The following UBR2 variants were observed in gnomAD, a reference collection of about 807,000 sequenced individuals.
UBR2 encodes the protein ubiquitin protein ligase E3 component n-recognin 2.
In UBR2, 92 loss-of-function variants were observed where a neutral mutation model predicts 247.9. The observed-to-expected ratio is 0.37, with a 90% confidence interval of 0.31 to 0.44. The LOEUF (loss-of-function observed/expected upper bound fraction) is 0.44. Ranked by LOEUF, UBR2 falls within the 20% of genes least tolerant of loss-of-function variation. UBR2 has a pLI of 1.00. For synonymous variants in UBR2, 672 were observed against 693.5 expected (o/e 0.97, Z 0.49); for missense variants, 1,613 against 2,112.6 (o/e 0.76, Z 4.64).
intron 13 of UBR2, among the ~76,000 whole-genome samples, chr6:42,634,833 T>C (rs1696688965): frequency 6.6e-6 from 1 of 152,264 alleles, no homozygotes; most frequent in South Asian, 2.1e-4. Flanking sequence ...TTCATGTATC[T>C]GTGAAAACAA....
chr6:42,633,223 G>A (rs1445990414), intron 13 of UBR2, among the ~76,000 whole-genome samples: 3 of 151,626 alleles, frequency 2.0e-5, no homozygotes, highest in African/African-American at 4.8e-5. Context: ...TTCTGTCTGC[G>A]CATCTTTTCA....
chr6:42,652,419 C>G, intron 24 of UBR2, 72 bp from the exon 25 acceptor site: 1 of 1,476,674 alleles, frequency 6.8e-7, no homozygotes, highest in Non-Finnish European at 9.1e-7. Context: ...TTAAAACTAT[C>G]AAAAGTAACA....
rs1028575147 is a variant in UBR2 at position 42,689,354 on chromosome 6, A to G, written c.5025-215A>G. Reference sequence around the variant, plus strand: ...TCTGTTTAATTGTGCTGTACTATTAATGCCAGAAAAAGGCAAATGTCTCAA... The same window carrying G: ...TCTGTTTAATTGTGCTGTACTATTAGTGCCAGAAAAAGGCAAATGTCTCAA... On this transcript the variant is annotated intron_variant, in intron 45 of 46. Coordinates refer to ENST00000372901, the MANE Select transcript of UBR2 (RefSeq NM_001363705.2). The surrounding 1 kb of genome is among the most constrained non-coding windows in gnomAD (Gnocchi z 4.0). Among the ~76,000 whole-genome samples, 4 of 152,204 alleles carry G rather than the reference A, an allele frequency of 2.6e-5. No homozygotes were observed. The highest frequency in any genetic ancestry group is 9.6e-5 in the African/African-American group (4 of 41,458).
chr6:42,618,821 C>T (rs187973897), intron 11 of UBR2, among the ~76,000 whole-genome samples: 7 of 152,248 alleles, frequency 4.6e-5, no homozygotes, highest in East Asian at 3.9e-4. Context: ...TCTACAGAAC[C>T]GGCCAAGTGG....
chr6:42,619,236 T>C (rs560729129), intron 11 of UBR2, among the ~76,000 whole-genome samples: 1 of 151,112 alleles, frequency 6.6e-6, no homozygotes, highest in South Asian at 2.1e-4. Context: ...AGATTGTCAG[T>C]TACCAAAAAC....
At chr6:42,624,833 G>A (rs1450965145) in intron 11 of UBR2, among the ~76,000 whole-genome samples, 1 of 152,156 alleles carries the variant, frequency 6.6e-6, no homozygotes, top group East Asian at 1.9e-4. Flanking sequence ...ATCTATAGGA[G>A]TAATTGTGGA....
At chr6:42,595,647 G>T (rs1181904932) in intron 4 of UBR2, among the ~76,000 whole-genome samples, 6 of 151,688 alleles carry the variant, frequency 4.0e-5, no homozygotes, top group Non-Finnish European at 7.4e-5. Flanking sequence ...TGGGTTGGGG[G>T]TGCTGAAGTG....
intron 7 of UBR2, among the ~76,000 whole-genome samples, chr6:42,606,989 G>A (rs144488011): frequency 1.3e-4 from 20 of 152,162 alleles, no homozygotes; most frequent in African/African-American, 3.4e-4. Flanking sequence ...TATAATGCAA[G>A]CAAAGTTGTT....
chr6:42,632,277 G>A (rs897972080), intron 11 of UBR2, among the ~76,000 whole-genome samples: 3 of 151,968 alleles, frequency 2.0e-5, no homozygotes, highest in Admixed American at 6.6e-5. Context: ...CTGATTCAGA[G>A]CCCCCACCCT....
Position 42,689,543 on chromosome 6 carries a change from G to A in UBR2, c.5025-26G>A, listed in dbSNP as rs746554956. The A allele has an allele frequency of 1.9e-6, 3 of 1,600,310 alleles. No individual in the cohort carries two copies. Among genetic ancestry groups the A allele is most frequent in the Admixed American group, 3.3e-5 (2 of 59,992 alleles). ...ATGTTGGTTACTAATGTGTAAATGT[G>A]TAACGTATGACTGATCTCTCTACAG... On this transcript the variant is annotated intron_variant, in intron 45 of 46. Coordinates refer to ENST00000372901, the MANE Select transcript of UBR2 (RefSeq NM_001363705.2). The surrounding 1 kb of genome is among the most constrained non-coding windows in gnomAD (Gnocchi z 4.0).
In UBR2 at chr6:42,662,239, T is replaced by C. The variant is rs764509314; in HGVS notation, c.3498T>C (p.Ser1166=). 2 of 1,611,738 alleles carry C rather than the reference T, an allele frequency of 1.2e-6. No homozygotes were observed. The highest frequency in any genetic ancestry group is 2.2e-5 in the South Asian group (2 of 90,554). The change falls in exon 31 of 47, where the codon AGT becomes AGC. Residue 1166 remains serine (S), a synonymous_variant. Transcript: ENST00000372901. ...ATCTGTCTTGTGGAACACACACTAG[T>C]AGCTGTGGGCACATTATGCATGCCC... ...HPDLSCGTHT[S]SCGHIMHAHC...
At chr6:42,632,757 A>G (rs1795826437) in intron 12 of UBR2, 42 bp downstream of exon 12, 1 of 1,590,056 alleles carries the variant, frequency 6.3e-7, no homozygotes, top group Non-Finnish European at 8.5e-7. Context: ...CAATTTATAG[A>G]AAGTCAATGT....
At chr6:42,583,891 C>G (rs1263771462) in intron 2 of UBR2, among the ~76,000 whole-genome samples, 2 of 151,926 alleles carry the variant, frequency 1.3e-5, no homozygotes, top group Non-Finnish European at 2.9e-5. Flanking sequence ...TGATCTGTCT[C>G]AAACTAAATT....
At chr6:42,640,420 G>GATACA in intron 16 of UBR2, 150 bp downstream of exon 16, 13 of 441,756 alleles carry the variant, frequency 2.9e-5, no homozygotes, top group Non-Finnish European at 4.4e-5. Flanking sequence ...GTGTGTGTGT[G>GATACA]TGTGTGTGTG....
intron 7 of UBR2, among the ~76,000 whole-genome samples, chr6:42,607,067 C>T (rs1483739778): frequency 1.3e-5 from 2 of 152,100 alleles, no homozygotes; most frequent in Non-Finnish European, 2.9e-5. Context: ...TTTCTAAAAG[C>T]ACAAACTATT....
chr6:42,566,724 A>AG (rs1790801180), intron 1 of UBR2, among the ~76,000 whole-genome samples: 1 of 81,776 alleles, frequency 1.2e-5, no homozygotes, highest in East Asian at 2.8e-4. Context: ...CTGAACAATA[A>AG]GTTTTTTTTT....
At chr6:42,627,656 C>A (rs1447842536) in intron 11 of UBR2, among the ~76,000 whole-genome samples, 1 of 151,958 alleles carries the variant, frequency 6.6e-6, no homozygotes, top group Non-Finnish European at 1.5e-5. Flanking sequence ...CGCCACTACA[C>A]ACCTGGCTAA....
rs181782359 is a variant in UBR2, at chr6:42,634,190, A to G, written c.1546-1228A>G. 9.1e-4 allele frequency: 220 copies of G among 242,246 alleles called. 1 individual carries two copies. The highest frequency in any genetic ancestry group is 5.7e-3 in the Middle Eastern group (8 of 1,408). 15.0% of individuals were successfully genotyped at this position (242,246 alleles called of 1,614,324 possible). ...TTCCATGTTTCTTTTTCTCTCCTTC[A>G]TGTGGTATTTATATAATACAGTGTA... On this transcript the variant is annotated intron_variant, in intron 13 of 46. Coordinates refer to ENST00000372901, the MANE Select transcript of UBR2 (RefSeq NM_001363705.2).
chr6:42,630,488 T>A (rs1434311425), intron 11 of UBR2, among the ~76,000 whole-genome samples: 1 of 152,122 alleles, frequency 6.6e-6, no homozygotes, highest in Non-Finnish European at 1.5e-5. Flanking sequence ...CAGCCTATTT[T>A]TTTTTTTTGA....
Sources: allele counts gnomAD v4.1 joint callset (sites outside exome capture counted in the v4.1 genomes callset), GRCh38; gene constraint gnomAD v4.1.1; non-coding constraint Gnocchi (gnomAD v3.1); transcripts MANE v1.5; gene names NCBI Gene and HGNC (gene_info 2026-07-23, HGNC 2026-07-21).